CNTN5: variants seen among roughly 807,000 people sequenced by gnomAD.
The protein encoded by CNTN5 is contactin-5.
CNTN5 carries 77 observed loss-of-function variants against 129.1 expected under a neutral mutation model. The observed-to-expected ratio is 0.60, with a 90% CI of 0.50 to 0.72. CNTN5 has a LOEUF of 0.72. CNTN5 is among the 30% of genes least tolerant of loss of function. The pLI is 0.00. For synonymous variants in CNTN5, 509 were observed against 465.6 expected, an observed-to-expected ratio of 1.09 and a Z score of -1.20; for missense variants, 1,478 against 1,328.8, an observed-to-expected ratio of 1.11 and a Z score of -1.75.
chr11:99,674,539 A>T (rs1434313166), intron 3 of CNTN5, among the ~76,000 whole-genome samples: 1 of 152,040 alleles, frequency 6.6e-6, no homozygotes, highest in Non-Finnish European at 1.5e-5. Flanking sequence ...TGCTCCCAAG[A>T]TCTACTAACT....
intron 2 of CNTN5, among the ~76,000 whole-genome samples, chr11:99,461,098 T>C (rs1691521043): frequency 6.6e-6 from 1 of 152,208 alleles, no homozygotes; most frequent in Non-Finnish European, 1.5e-5. Flanking sequence ...ATTATCTGAG[T>C]AAAATAAACC....
intron 2 of CNTN5, among the ~76,000 whole-genome samples, chr11:99,439,922 A>G (rs1943759631): frequency 6.6e-6 from 1 of 152,142 alleles, no homozygotes; most frequent in South Asian, 2.1e-4. Flanking sequence ...ATTTAGATCA[A>G]TGCAGATGTG....
chr11:100,147,100 T>G (rs533119448), intron 13 of CNTN5, among the ~76,000 whole-genome samples: 1 of 152,250 alleles, frequency 6.6e-6, no homozygotes, highest in South Asian at 2.1e-4. Context: ...CTCTTTAGCA[T>G]GGCAAACAAG....
rs578026393 is a variant in CNTN5 at position 100,282,400 on chromosome 11, G to A, written c.2314+11159G>A. Among the ~76,000 whole-genome samples the A allele has an allele frequency of 3.3e-5, 5 of 152,356 alleles. No individual in the cohort carries two copies. In the South Asian group the frequency reaches 1.0e-3, roughly 32 times the overall value. On this transcript the variant is annotated intron_variant, in intron 18 of 24. Transcript: ENST00000524871. ...AAAGAATTCTCTGGATTACCAGGCA[G>A]AGACTCTTGTTCTCTTTCCTTACTT...
chr11:99,993,360 T>C (rs1015984777), intron 8 of CNTN5, among the ~76,000 whole-genome samples: 1 of 152,140 alleles, frequency 6.6e-6, no homozygotes, highest in African/African-American at 2.4e-5. Flanking sequence ...TTGACCTCTT[T>C]GACTCTCAGT....
chr11:99,672,361 T>C (rs568602882), intron 3 of CNTN5, among the ~76,000 whole-genome samples: 1 of 152,110 alleles, frequency 6.6e-6, no homozygotes, highest in South Asian at 2.1e-4. Flanking sequence ...ATCTAGATGA[T>C]TGTCTTGCAT....
rs1291142494 is a variant in CNTN5, at chr11:99,436,165, C to CT, written c.-71+110682dup. On this transcript the variant is annotated intron_variant, in intron 2 of 24. Transcript: ENST00000524871. ...GACACCTGATTTGAATTCCAATTGACTGTAGTGGTGGCAGTGATGTCAATT... is the reference window on the plus strand; with the variant it reads ...GACACCTGATTTGAATTCCAATTGACTTGTAGTGGTGGCAGTGATGTCAATT... Among the ~76,000 whole-genome samples the CT allele has an allele frequency of 2.6e-5, 4 of 152,218 alleles. No individual in the cohort carries two copies. In the South Asian group the frequency reaches 8.3e-4, roughly 32 times the overall value.
intron 2 of CNTN5, among the ~76,000 whole-genome samples, chr11:99,484,561 C>G (rs2466896): frequency 6.6e-6 from 1 of 152,208 alleles, no homozygotes; most frequent in Non-Finnish European, 1.5e-5. Flanking sequence ...TCAGTACATC[C>G]AAAAGACATC....
intron 13 of CNTN5, among the ~76,000 whole-genome samples, chr11:100,085,389 C>G (rs1275803231): frequency 6.6e-6 from 1 of 151,976 alleles, no homozygotes; most frequent in Non-Finnish European, 1.5e-5. Flanking sequence ...TCCCAAAACT[C>G]CTTCACCCTC....
intron 2 of CNTN5, among the ~76,000 whole-genome samples, chr11:99,536,858 A>C (rs1947920188): frequency 6.7e-6 from 1 of 148,354 alleles, no homozygotes; most frequent in Middle Eastern, 3.2e-3. Flanking sequence ...TCACATTAAA[A>C]AAAAAAAAAA....
chr11:99,060,697 T>A (rs1446494146), intron 1 of CNTN5, among the ~76,000 whole-genome samples: 1 of 152,140 alleles, frequency 6.6e-6, no homozygotes, highest in Non-Finnish European at 1.5e-5. Flanking sequence ...TGCATCATTT[T>A]GCATTGAATT....
intron 7 of CNTN5, among the ~76,000 whole-genome samples, chr11:99,950,452 G>A (rs1434015114): frequency 6.6e-6 from 1 of 152,204 alleles, no homozygotes. Context: ...CTGCACTCCA[G>A]CCTGGGTGAC....
At chr11:99,076,146 C>G (rs990871247) in intron 1 of CNTN5, among the ~76,000 whole-genome samples, 1 of 151,902 alleles carries the variant, frequency 6.6e-6, no homozygotes, top group Non-Finnish European at 1.5e-5. Context: ...CCAACCTGAC[C>G]AGCATGGTGA....
intron 1 of CNTN5, among the ~76,000 whole-genome samples, chr11:99,044,832 T>A (rs549976351): frequency 6.6e-6 from 1 of 152,238 alleles, no homozygotes; most frequent in Non-Finnish European, 1.5e-5. Context: ...TGGGGAAATT[T>A]TACACGGTCT....
intron 18 of CNTN5, among the ~76,000 whole-genome samples, chr11:100,296,101 CT>C (rs1250369064): frequency 2.6e-5 from 4 of 151,360 alleles, no homozygotes; most frequent in Non-Finnish European, 1.5e-5. Flanking sequence ...GATCCCTGTC[CT>C]TTTACATATA....
At chr11:99,790,098 A>T (rs756382652) in intron 3 of CNTN5, among the ~76,000 whole-genome samples, 19 of 151,942 alleles carry the variant, frequency 1.3e-4, no homozygotes, top group Non-Finnish European at 1.9e-4. Context: ...TTTCTGCAAA[A>T]CTGAATAATT....
intron 15 of CNTN5, among the ~76,000 whole-genome samples, chr11:100,200,776 C>T (rs768081613): frequency 1.4e-4 from 22 of 151,818 alleles, no homozygotes; most frequent in African/African-American, 5.3e-4. Flanking sequence ...AGAAGACACT[C>T]CTTACTCCTT....
rs374434571 is a variant in CNTN5 at position 99,872,601 on chromosome 11, CTAGCAGGAGACTTTGT to C, written c.577+27341_577+27356del. On this transcript the variant is annotated intron_variant, in intron 6 of 24. Transcript: ENST00000524871. ...CTCTGAAGACAAAAATCTGTATCTG[CTAGCAGGAGACTTTGT>C]TTGCAAGACAGCAGAGGTGATTCCT... Among the ~76,000 whole-genome samples the C allele has an allele frequency of 2.0e-5, 3 of 152,148 alleles. No individual in the cohort carries two copies. The East Asian group carries it at 5.8e-4, about 29-fold the overall frequency.
At position 100,292,232 on chromosome 11, in the gene CNTN5, G is replaced by T. The variant is rs147903412; in HGVS notation, c.2315-5393G>T. Among the ~76,000 whole-genome samples the T allele has an allele frequency of 5.8e-4, 88 of 152,082 alleles. 1 individual carries two copies. The East Asian group carries it at 0.017, about 29-fold the overall frequency. On this transcript the variant is annotated intron_variant, in intron 18 of 24. Transcript: ENST00000524871. The stretch of plus-strand genomic sequence containing the variant: ...CTTCCACTTAGATGGTACAATTTGT[G>T]GTTCTCACATGGGTGTTAAATGTTC...
Sources: gnomAD v4.1 joint callset for allele counts (sites outside exome capture counted in the v4.1 genomes callset) on GRCh38, gnomAD v4.1.1 for gene constraint, MANE v1.5 for transcripts, NCBI Gene and HGNC (gene_info 2026-07-23, HGNC 2026-07-21) for gene names.